PRR5L: variants seen among roughly 807,000 people sequenced by gnomAD.
PRR5L encodes proline-rich protein 5-like.
Under a neutral mutation model 36.4 loss-of-function variants are expected in PRR5L, and 21 were observed. The ratio of observed to expected loss-of-function variants is 0.58; its 90% CI spans 0.41 to 0.83. PRR5L has a LOEUF of 0.83. Ranked by LOEUF, PRR5L falls within the 40% of genes least tolerant of loss-of-function variation. The probability of loss-of-function intolerance (pLI) is 0.00; values close to 1 mark genes in which losing one functional copy is unlikely to be tolerated. For missense variants in PRR5L, 381 were observed against 473.3 expected (o/e 0.80, Z 1.81); for synonymous variants, 188 against 197.0 (o/e 0.95, Z 0.38).
chr11:36,366,971 T>A (rs1857150934), intron 1 of PRR5L, among the ~76,000 whole-genome samples: 1 of 152,220 alleles, frequency 6.6e-6, no homozygotes, highest in South Asian at 2.1e-4. Context: ...AAATTTTTCC[T>A]TATTCCATTC....
intron 1 of PRR5L, among the ~76,000 whole-genome samples, chr11:36,348,089 G>T (rs1856885566): frequency 6.6e-6 from 1 of 152,150 alleles, no homozygotes. Flanking sequence ...ACAGTTTGTT[G>T]TTGGCTTGGT....
At chr11:36,436,020 C>T (rs1313000062) in intron 5 of PRR5L, among the ~76,000 whole-genome samples, 1 of 152,198 alleles carries the variant, frequency 6.6e-6, no homozygotes, top group African/African-American at 2.4e-5. Flanking sequence ...GTGGTTTGCA[C>T]AGGCAAGTTG....
At chr11:36,422,383 CA>C (rs1858285583) in intron 4 of PRR5L, among the ~76,000 whole-genome samples, 1 of 152,122 alleles carries the variant, frequency 6.6e-6, no homozygotes, top group South Asian at 2.1e-4. Flanking sequence ...GAATGGAACC[CA>C]GGGGTGGACA....
In PRR5L at chr11:36,413,201, ACTG is replaced by A. The variant is rs1858063760; in HGVS notation, c.246-6050_246-6048del. ...CTGCTCACAGGCTGGCCTAGCCAGC[ACTG>A]CTGGGGACTCCTGGCCCCCTTTCCT... On this transcript the variant is annotated intron_variant, in intron 3 of 8. Coordinates refer to ENST00000530639, the MANE Select transcript of PRR5L (RefSeq NM_001160167.2). Among the ~76,000 whole-genome samples, 5 of 152,354 alleles carry A rather than the reference ACTG, an allele frequency of 3.3e-5. No individual in the cohort carries two copies. In the South Asian group the frequency reaches 1.0e-3, roughly 32 times the overall value.
intron 5 of PRR5L, among the ~76,000 whole-genome samples, chr11:36,435,953 C>T (rs1451782704): frequency 2.0e-5 from 3 of 152,194 alleles, no homozygotes; most frequent in Admixed American, 6.5e-5. Context: ...TTCCCAATCC[C>T]GTTCCAGTGA....
chr11:36,443,452 C>T (rs890934533), intron 6 of PRR5L, among the ~76,000 whole-genome samples: 1 of 152,140 alleles, frequency 6.6e-6, no homozygotes, highest in African/African-American at 2.4e-5. Flanking sequence ...ATGTCACTGA[C>T]CTGGGTTCAC....
chr11:36,315,027 A>C (rs946489888), intron 1 of PRR5L, among the ~76,000 whole-genome samples: 7 of 152,262 alleles, frequency 4.6e-5, no homozygotes, highest in Admixed American at 1.3e-4. Context: ...TCCTTCATCT[A>C]AGTTGGATTT....
chr11:36,448,331 T>A (rs950989748), intron 7 of PRR5L, among the ~76,000 whole-genome samples: 1 of 152,046 alleles, frequency 6.6e-6, no homozygotes, highest in African/African-American at 2.4e-5. Context: ...TTCCAATCGA[T>A]CTTAGAAAAA....
chr11:36,462,529 G>A lies in PRR5L; in HGVS notation c.900G>A (p.Gln300=), dbSNP rs760943671. Residue 300 remains glutamine, a synonymous_variant, in exon 9 of 9, where the codon CAG becomes CAA. Coordinates refer to ENST00000530639, the MANE Select transcript of PRR5L (RefSeq NM_001160167.2). ...TGGCCAATGCCCACTCGGACATCCAGCTGCTGGCCATGGCCACCATGATGC... is the reference window on the plus strand; with the variant it reads ...TGGCCAATGCCCACTCGGACATCCAACTGCTGGCCATGGCCACCATGATGC... The part of the protein sequence containing the change: ...HTVANAHSDI[Q]LLAMATMMHS... 3 of 1,608,866 alleles carry A rather than the reference G, an allele frequency of 1.9e-6. No homozygotes were observed. Among genetic ancestry groups the A allele is most frequent in the Non-Finnish European group, 2.5e-6 (3 of 1,177,164 alleles).
In PRR5L at chr11:36,459,840, C is replaced by T. The variant is rs1859142040; in HGVS notation, c.713-2502C>T. Among the ~76,000 whole-genome samples the T allele has an allele frequency of 3.3e-5, 5 of 152,314 alleles. No individual in the cohort carries two copies. In the South Asian group the frequency reaches 1.0e-3, roughly 32 times the overall value. ...ACGGGAATAATGTAGTCCTTTACCC[C>T]ATCTTCATTTTCAGAGAGGTCACAT... On this transcript the variant is annotated intron_variant, in intron 8 of 8. Transcript: ENST00000530639.
At chr11:36,328,323 G>A (rs1462907054) in intron 1 of PRR5L, among the ~76,000 whole-genome samples, 2 of 152,142 alleles carry the variant, frequency 1.3e-5, no homozygotes, top group Non-Finnish European at 2.9e-5. Context: ...ATGTCCAATT[G>A]TAATCCCCAA....
At chr11:36,433,872 C>T (rs924948111) in intron 5 of PRR5L, among the ~76,000 whole-genome samples, 1 of 151,986 alleles carries the variant, frequency 6.6e-6, no homozygotes, top group African/African-American at 2.4e-5. Flanking sequence ...CAGGCTAGTA[C>T]AAAAATGTGG....
At chr11:36,406,903 T>G (rs1422627078) in intron 3 of PRR5L, among the ~76,000 whole-genome samples, 1 of 152,232 alleles carries the variant, frequency 6.6e-6, no homozygotes, top group Non-Finnish European at 1.5e-5. Context: ...GGATCAAGAC[T>G]GGGCTAGCTG....
In PRR5L at chr11:36,462,576, C is replaced by A. The variant is rs149035838; in HGVS notation, c.947C>A (p.Ala316Asp). 6.0e-4 allele frequency: 971 copies of A among 1,612,876 alleles called. No homozygotes were observed. Among genetic ancestry groups the A allele is most frequent in the Non-Finnish European group, 7.9e-4 (929 of 1,179,834 alleles). ...TMMHSGLGEE[A>D]SSENKCLLLP... ...ATGCACTCGGGCCTGGGGGAGGAGG[C>A]CAGCAGTGAGAACAAGTGCCTGCTC... Residue 316 changes from alanine (A) to aspartate (D), a missense_variant, in exon 9 of 9, where the codon GCC becomes GAC. Ala to Asp is a moderately radical substitution (Grantham distance 126). Transcript: ENST00000530639.
Position 36,401,096 on chromosome 11 carries a change from G to A in PRR5L, c.-26G>A, listed in dbSNP as rs779506672. ...CATTCGGAACCTTCTGGTCCTAGAG[G>A]TGAAGCTGAACTGTCACCAGGACTT... On this transcript the variant is annotated 5_prime_UTR_variant, in exon 2 of 9. The change creates a new upstream start codon in the 5' untranslated region. Transcript: ENST00000530639. 9.9e-6 allele frequency: 16 copies of A among 1,612,726 alleles called. No individual in the cohort carries two copies. In the Admixed American group the frequency reaches 1.5e-4, roughly 15 times the overall value.
chr11:36,341,407 C>T (rs1270438305), intron 1 of PRR5L, among the ~76,000 whole-genome samples: 1 of 152,116 alleles, frequency 6.6e-6, no homozygotes. Context: ...CTGGGTACTT[C>T]GATATGCCAG....
intron 1 of PRR5L, among the ~76,000 whole-genome samples, chr11:36,313,897 G>T (rs898032705): frequency 2.0e-5 from 3 of 152,218 alleles, no homozygotes; most frequent in Non-Finnish European, 4.4e-5. Context: ...GCAGTTTGGT[G>T]TAGTGGTTCA....
intron 1 of PRR5L, among the ~76,000 whole-genome samples, chr11:36,330,458 A>G (rs898582869): frequency 1.5e-4 from 23 of 152,168 alleles, no homozygotes; most frequent in African/African-American, 5.6e-4. Context: ...ATAATCATCA[A>G]GTTACTTAGG....
chr11:36,350,940 A>ATATATATATTTATATATATTTATATATT, intron 1 of PRR5L, among the ~76,000 whole-genome samples: 1 of 27,904 alleles, frequency 3.6e-5, no homozygotes, highest in African/African-American at 1.9e-4. Flanking sequence ...TTATATATTT[A>ATATATATATTTATATATATTTATATATT]TATATATATA....
Sources: gnomAD v4.1 joint callset for allele counts (sites outside exome capture counted in the v4.1 genomes callset) on GRCh38, gnomAD v4.1.1 for gene constraint, MANE v1.5 for transcripts, NCBI Gene and HGNC (gene_info 2026-07-23, HGNC 2026-07-21) for gene names.